The following SLC25A21 variants were observed in gnomAD, a reference collection of about 807,000 sequenced individuals.
SLC25A21 encodes solute carrier family 25 member 21, also known as mitochondrial 2-oxodicarboxylate carrier.
In SLC25A21, 47 loss-of-function variants were observed where a neutral mutation model predicts 43.8. The ratio of observed to expected loss-of-function variants is 1.07; its 90% confidence interval spans 0.85 to 1.37. The LOEUF (loss-of-function observed/expected upper bound fraction) is 1.37, where lower values mean the gene tolerates loss of function less well. Ranked by LOEUF, SLC25A21 falls within the 40% of genes most tolerant of loss-of-function variation. SLC25A21 has a pLI of 0.00. For missense variants in SLC25A21, 352 were observed against 350.2 expected (o/e 1.00, Z -0.04); for synonymous variants, 131 against 121.3 (o/e 1.08, Z -0.52).
intron 1 of SLC25A21, among the ~76,000 whole-genome samples, chr14:37,065,492 C>A (rs1244242775): frequency 6.6e-6 from 1 of 152,160 alleles, no homozygotes; most frequent in Non-Finnish European, 1.5e-5. Context: ...TCAGTTCATG[C>A]AGGTGAGGAG....
rs115904350 is a variant in SLC25A21, at chr14:37,170,277, G to A, written c.70+2004C>T. ...TCTCGATCTCTTGACCTGGTGATCC[G>A]CCTGCCTCCGCCTCACAAAGTCCTG... On this transcript the variant is annotated intron_variant, in intron 1 of 9. Coordinates refer to ENST00000331299, the MANE Select transcript of SLC25A21 (RefSeq NM_030631.4). Among the ~76,000 whole-genome samples, 237 of 152,174 alleles carry A rather than the reference G, an allele frequency of 1.6e-3. 1 individual carries two copies. The highest frequency in any genetic ancestry group is 5.3e-3 in the African/African-American group (221 of 41,536).
intron 1 of SLC25A21, among the ~76,000 whole-genome samples, chr14:37,104,779 C>T (rs1962881669): frequency 6.6e-6 from 1 of 152,168 alleles, no homozygotes; most frequent in Non-Finnish European, 1.5e-5. Context: ...CAAGGTTTAT[C>T]CTAAGCAAAG....
At chr14:37,096,757 T>G (rs1390563737) in intron 1 of SLC25A21, among the ~76,000 whole-genome samples, 1 of 152,208 alleles carries the variant, frequency 6.6e-6, no homozygotes, top group Non-Finnish European at 1.5e-5. Context: ...GATCGAATTT[T>G]GAATTCATTT....
chr14:36,706,167 A>G (rs1883553798), intron 7 of SLC25A21, among the ~76,000 whole-genome samples: 1 of 152,214 alleles, frequency 6.6e-6, no homozygotes, highest in Non-Finnish European at 1.5e-5. Flanking sequence ...AGTTCGGGGG[A>G]AAAAATTCCT....
chr14:36,861,795 T>C (rs537203089), intron 2 of SLC25A21, among the ~76,000 whole-genome samples: 21 of 152,232 alleles, frequency 1.4e-4, no homozygotes, highest in Admixed American at 2.6e-4. Context: ...AGACCTTGAA[T>C]AGACACTGAA....
intron 9 of SLC25A21, among the ~76,000 whole-genome samples, chr14:36,681,722 C>T (rs2139134557): frequency 6.6e-6 from 1 of 152,136 alleles, no homozygotes. Context: ...TTATTTTGAA[C>T]ACACTGCCAT....
chr14:36,716,281 G>C (rs1307374886), intron 6 of SLC25A21, among the ~76,000 whole-genome samples: 1 of 152,058 alleles, frequency 6.6e-6, no homozygotes, highest in East Asian at 1.9e-4. Flanking sequence ...GGGAGATGCA[G>C]GTGGAAGGGT....
intron 3 of SLC25A21, among the ~76,000 whole-genome samples, chr14:36,760,374 A>G (rs1379823845): frequency 6.6e-6 from 1 of 151,810 alleles, no homozygotes; most frequent in Non-Finnish European, 1.5e-5. Flanking sequence ...GAAGGAAGGA[A>G]GGAAGGAAGG....
At chr14:37,017,636 C>A (rs1485953603) in intron 1 of SLC25A21, among the ~76,000 whole-genome samples, 1 of 152,030 alleles carries the variant, frequency 6.6e-6, no homozygotes, top group African/African-American at 2.4e-5. Flanking sequence ...AGTAAAAAAA[C>A]GCAGTATCTG....
chr14:36,745,344 T>G (rs565965298), intron 3 of SLC25A21, among the ~76,000 whole-genome samples: 1 of 152,174 alleles, frequency 6.6e-6, no homozygotes, highest in African/African-American at 2.4e-5. Context: ...TTTATAATCC[T>G]TTGGGTATAT....
intron 2 of SLC25A21, among the ~76,000 whole-genome samples, chr14:36,821,739 C>A (rs1217062840): frequency 6.6e-6 from 1 of 152,198 alleles, no homozygotes; most frequent in East Asian, 1.9e-4. Flanking sequence ...ATCAGTTGAA[C>A]CCAGGACATG....
intron 1 of SLC25A21, among the ~76,000 whole-genome samples, chr14:36,949,045 AG>A (rs1258898348): frequency 6.6e-6 from 1 of 152,188 alleles, no homozygotes; most frequent in African/African-American, 2.4e-5. Context: ...AAACAAGGAA[AG>A]TGAGGCTTAC....
At chr14:37,039,177 C>T (rs372095640) in intron 1 of SLC25A21, among the ~76,000 whole-genome samples, 57 of 152,272 alleles carry the variant, frequency 3.7e-4, no homozygotes, top group South Asian at 1.0e-3. Context: ...CCTGCCTTTT[C>T]GCCTAATCAT....
intron 1 of SLC25A21, among the ~76,000 whole-genome samples, chr14:37,004,836 A>C (rs1301220033): frequency 1.3e-5 from 2 of 151,608 alleles, no homozygotes; most frequent in Non-Finnish European, 1.5e-5. Flanking sequence ...TCCCAATCTC[A>C]TAGCTATTGC....
intron 3 of SLC25A21, among the ~76,000 whole-genome samples, chr14:36,758,736 TG>T (rs1886029517): frequency 6.6e-6 from 1 of 152,128 alleles, no homozygotes; most frequent in East Asian, 1.9e-4. Flanking sequence ...CCCCAAAGAC[TG>T]ATAGGGACCT....
intron 1 of SLC25A21, among the ~76,000 whole-genome samples, chr14:36,975,138 A>T (rs919874351): frequency 4.6e-5 from 7 of 152,066 alleles, no homozygotes; most frequent in African/African-American, 1.7e-4. Context: ...GATATACAAG[A>T]CTACGCAGAA....
At chr14:36,996,993 A>G (rs949966111) in intron 1 of SLC25A21, among the ~76,000 whole-genome samples, 4 of 152,122 alleles carry the variant, frequency 2.6e-5, no homozygotes, top group Non-Finnish European at 5.9e-5. Flanking sequence ...CAGGGAAGAA[A>G]TGAGAGGCAA....
chr14:36,737,340 A>C (rs548897053), intron 3 of SLC25A21, among the ~76,000 whole-genome samples: 23 of 152,290 alleles, frequency 1.5e-4, no homozygotes, highest in Middle Eastern at 6.8e-3. Context: ...ATAAGGATTT[A>C]ATATGAAAAG....
intron 1 of SLC25A21, among the ~76,000 whole-genome samples, chr14:37,141,445 T>C (rs1032268528): frequency 4.6e-5 from 7 of 152,194 alleles, no homozygotes; most frequent in African/African-American, 1.7e-4. Context: ...GCATTTATAC[T>C]GGCCTTTGTA....
Sources: allele counts gnomAD v4.1 joint callset (sites outside exome capture counted in the v4.1 genomes callset), GRCh38; gene constraint gnomAD v4.1.1; transcripts MANE v1.5; gene names NCBI Gene and HGNC (gene_info 2026-07-23, HGNC 2026-07-21).